MYO16: variants seen among roughly 807,000 people sequenced by gnomAD.
MYO16 encodes myosin XVI.
Under a neutral mutation model 205.3 loss-of-function variants are expected in MYO16, and 94 were observed. The observed-to-expected ratio is 0.46, with a 90% CI of 0.39 to 0.54. MYO16 has a LOEUF of 0.54. MYO16 is among the 20% of genes least tolerant of loss of function. The pLI, the probability that MYO16 is intolerant of heterozygous loss-of-function variation, is 0.00. For synonymous variants in MYO16, 988 were observed against 954.0 expected, an observed-to-expected ratio of 1.04 and a Z score of -0.66; for missense variants, 2,315 against 2,387.5, an observed-to-expected ratio of 0.97 and a Z score of 0.63.
intron 16 of MYO16, among the ~76,000 whole-genome samples, chr13:108,929,732 C>T (rs144609278): frequency 5.7e-4 from 87 of 152,110 alleles, no homozygotes; most frequent in African/African-American, 9.9e-4. Context: ...AAGAGCTATC[C>T]GACCTCACAT....
At chr13:108,496,935 G>A in the MYO16 span, among the ~76,000 whole-genome samples, 1 of 152,316 alleles carries the variant, frequency 6.6e-6, no homozygotes, top group Middle Eastern at 3.4e-3. Flanking sequence ...CACAGGGGAA[G>A]CCCGGAGCCT....
chr13:109,061,090 A>G (rs1468424344), intron 27 of MYO16, among the ~76,000 whole-genome samples: 1 of 134,322 alleles, frequency 7.4e-6, no homozygotes, highest in East Asian at 2.2e-4. Context: ...ATCTTCCAGC[A>G]TTTTTCCTGC....
chr13:109,197,730 T>G (rs1030998241), intron 34 of MYO16, among the ~76,000 whole-genome samples: 4 of 152,232 alleles, frequency 2.6e-5, no homozygotes, highest in African/African-American at 9.6e-5. Context: ...ATTAAATGTA[T>G]AGACATACAG....
At chr13:109,046,006 T>TGCTC (rs1355615724) in intron 23 of MYO16, among the ~76,000 whole-genome samples, 2 of 152,042 alleles carry the variant, frequency 1.3e-5, no homozygotes, top group African/African-American at 4.8e-5. Context: ...TCACGGCGGA[T>TGCTC]GCTCGCCCTC....
At position 108,946,461 on chromosome 13, in the gene MYO16, A is replaced by G. The variant is rs532077077; in HGVS notation, c.1926-11227A>G. On this transcript the variant is annotated intron_variant, in intron 16 of 34. Coordinates refer to ENST00000457511, the MANE Select transcript of MYO16 (RefSeq NM_001198950.3). ...GGTAAAAATGTAACCAACTAGGTAT[A>G]CATATGGAAACTTTGAAATACATAT... Among the ~76,000 whole-genome samples, 6 of 152,352 alleles carry G rather than the reference A, an allele frequency of 3.9e-5. No homozygotes were observed. The East Asian group carries it at 5.8e-4, about 15-fold the overall frequency.
At chr13:108,570,854 G>T in the MYO16 span, among the ~76,000 whole-genome samples, 3 of 152,150 alleles carry the variant, frequency 2.0e-5, no homozygotes, top group South Asian at 4.1e-4. Flanking sequence ...CTGTTTAGTG[G>T]TTCTGTAGAG....
intron 16 of MYO16, among the ~76,000 whole-genome samples, chr13:108,952,917 A>G (rs534566910): frequency 2.6e-5 from 4 of 152,286 alleles, no homozygotes; most frequent in African/African-American, 7.2e-5. Flanking sequence ...TGAATCAATA[A>G]TGGGGCAAAA....
chr13:108,636,626 C>T (rs1248311027), intron 1 of MYO16, among the ~76,000 whole-genome samples: 4 of 152,224 alleles, frequency 2.6e-5, no homozygotes, highest in Non-Finnish European at 5.9e-5. Flanking sequence ...GATCTGCCCG[C>T]CTTGGCCTCC....
chr13:109,126,850 G>T (rs556732976), intron 30 of MYO16, among the ~76,000 whole-genome samples: 1 of 152,294 alleles, frequency 6.6e-6, no homozygotes, highest in East Asian at 1.9e-4. Flanking sequence ...AAATGGTGAT[G>T]AACTCCCAGC....
At chr13:108,705,373 A>G (rs1241946123) in intron 2 of MYO16, among the ~76,000 whole-genome samples, 1 of 152,188 alleles carries the variant, frequency 6.6e-6, no homozygotes, top group Non-Finnish European at 1.5e-5. Context: ...AGCCTAATGC[A>G]ACATCGCGGT....
chr13:108,817,411 C>T, intron 7 of MYO16, among the ~76,000 whole-genome samples: 1 of 152,280 alleles, frequency 6.6e-6, no homozygotes, highest in African/African-American at 2.4e-5. Context: ...ATTGGGCAAA[C>T]ATATACATTT....
At chr13:108,600,874 GC>G (rs1364784048) in intron 1 of MYO16, among the ~76,000 whole-genome samples, 1 of 151,886 alleles carries the variant, frequency 6.6e-6, no homozygotes, top group Non-Finnish European at 1.5e-5. Context: ...AAGTAAATAA[GC>G]TTTTCCAACT....
intron 20 of MYO16, among the ~76,000 whole-genome samples, chr13:108,968,877 C>T (rs1883903093): frequency 6.6e-6 from 1 of 152,202 alleles, no homozygotes; most frequent in African/African-American, 2.4e-5. Flanking sequence ...CCTGAGCCCT[C>T]CTTGTCCAGG....
chr13:108,625,250 G>A (rs181405810), upstream of MYO16, among the ~76,000 whole-genome samples: 26 of 152,246 alleles, frequency 1.7e-4, no homozygotes, highest in East Asian at 3.9e-3. Flanking sequence ...TCCTGAATCC[G>A]AGAGCTAGTG....
intron 16 of MYO16, among the ~76,000 whole-genome samples, chr13:108,913,250 C>T (rs1653384865): frequency 6.6e-6 from 1 of 152,170 alleles, no homozygotes; most frequent in African/African-American, 2.4e-5. Context: ...CACCACCCTC[C>T]AGATTCATGA....
chr13:109,200,502 CATT>C (rs1459347085), intron 34 of MYO16, among the ~76,000 whole-genome samples: 1 of 152,142 alleles, frequency 6.6e-6, no homozygotes, highest in Non-Finnish European at 1.5e-5. Flanking sequence ...GTACTCACTA[CATT>C]ATTCAATACA....
At chr13:108,686,464 G>T (rs1019205551) in intron 2 of MYO16, among the ~76,000 whole-genome samples, 1 of 152,192 alleles carries the variant, frequency 6.6e-6, no homozygotes, top group African/African-American at 2.4e-5. Flanking sequence ...GAATATAAGG[G>T]CAGGAACTGC....
At chr13:109,111,945 C>G (rs966569521) in intron 28 of MYO16, among the ~76,000 whole-genome samples, 1 of 152,182 alleles carries the variant, frequency 6.6e-6, no homozygotes, top group Non-Finnish European at 1.5e-5. Flanking sequence ...CTCGGCCTCC[C>G]AAAGTGCTGG....
intron 4 of MYO16, among the ~76,000 whole-genome samples, chr13:108,728,237 C>T (rs1474261736): frequency 3.9e-5 from 6 of 152,152 alleles, no homozygotes; most frequent in Admixed American, 3.9e-4. Flanking sequence ...TAATGCCTTG[C>T]TATTATGCAA....
Sources: allele counts gnomAD v4.1 joint callset (sites outside exome capture counted in the v4.1 genomes callset), GRCh38; gene constraint gnomAD v4.1.1; transcripts MANE v1.5; gene names NCBI Gene and HGNC (gene_info 2026-07-23, HGNC 2026-07-21).